Variants in MICAL2 observed in about 807,000 individuals in gnomAD.
MICAL2 encodes [F-actin]-monooxygenase MICAL2.
A neutral mutation model predicts 127.3 loss-of-function variants in MICAL2; 77 were observed. The observed-to-expected ratio is 0.60, with a 90% CI of 0.50 to 0.73. The LOEUF (loss-of-function observed/expected upper bound fraction) is 0.73, where lower values mean the gene tolerates loss of function less well. Among genes scored for constraint, MICAL2 ranks in the 30% least tolerant of loss-of-function variants. The probability of loss-of-function intolerance (pLI) is 0.00; values close to 1 mark genes in which losing one functional copy is unlikely to be tolerated. For synonymous variants in MICAL2, 570 were observed against 551.1 expected (o/e 1.03, Z -0.48); for missense variants, 1,351 against 1,434.4 (o/e 0.94, Z 0.94).
chr11:12,119,015 T>G (rs1013414373), intron 1 of MICAL2, among the ~76,000 whole-genome samples: 2 of 152,178 alleles, frequency 1.3e-5, no homozygotes, highest in African/African-American at 4.8e-5. Context: ...GTTCTCCATT[T>G]TCTACCAAGT....
At chr11:12,189,302 G>GTTTTGC (rs1858755341) in intron 3 of MICAL2, among the ~76,000 whole-genome samples, 1 of 151,854 alleles carries the variant, frequency 6.6e-6, no homozygotes, top group African/African-American at 2.4e-5. Context: ...TGTTTTTTTT[G>GTTTTGC]TTTTGTTTTT....
Position 12,220,242 on chromosome 11 carries a change from G to A in MICAL2, c.990G>A (p.Val330=). The part of the protein sequence containing the change: ...DTEMLLCAEN[V]NQDNLLSYAR... The stretch of plus-strand genomic sequence containing the variant: ...AGATGCTGCTGTGTGCGGAGAACGT[G>A]AACCAAGACAACCTGCTATCCTATG... Residue 330 remains valine, a synonymous_variant, in exon 9 of 28, where the codon GTG becomes GTA. Coordinates refer to ENST00000683283, the MANE Select transcript of MICAL2 (RefSeq NM_001282663.2). The A allele has an allele frequency of 6.2e-7, 1 of 1,614,182 alleles. No individual in the cohort carries two copies. The highest frequency in any genetic ancestry group is 2.2e-5 in the East Asian group (1 of 44,876).
chr11:12,320,109 C>A (rs1284476930), intron 30 of MICAL2, among the ~76,000 whole-genome samples: 1 of 152,088 alleles, frequency 6.6e-6, no homozygotes, highest in Non-Finnish European at 1.5e-5. Flanking sequence ...GTCCAACAAG[C>A]AAACCATCGA....
chr11:12,122,910 T>G (rs917747097), intron 1 of MICAL2, among the ~76,000 whole-genome samples: 1 of 152,060 alleles, frequency 6.6e-6, no homozygotes, highest in Non-Finnish European at 1.5e-5. Flanking sequence ...AGGTGGGAGG[T>G]GATCCATCCT....
At chr11:12,250,667 C>T (rs952932629) in intron 22 of MICAL2, among the ~76,000 whole-genome samples, 1 of 152,144 alleles carries the variant, frequency 6.6e-6, no homozygotes, top group African/African-American at 2.4e-5. Flanking sequence ...TTGAAAATTA[C>T]AAGAATATTG....
chr11:12,176,953 A>C (rs1045185752), intron 3 of MICAL2, among the ~76,000 whole-genome samples: 5 of 152,190 alleles, frequency 3.3e-5, no homozygotes, highest in African/African-American at 1.2e-4. Flanking sequence ...CTATTTCTTC[A>C]TGATCTATGG....
At position 12,241,088 on chromosome 11, in the gene MICAL2, G is replaced by A. The variant is rs146238421; in HGVS notation, c.2263G>A (p.Gly755Ser). The A allele has an allele frequency of 3.8e-5, 61 of 1,614,060 alleles. No homozygotes were observed. The highest frequency in any genetic ancestry group is 2.0e-4 in the African/African-American group (15 of 75,014). ...TAAGCCGGTCCTGTGCTCTTCCTCC[G>A]GCCCTCCTGTTCACTCTTGCTGCCC... ...IGKPVLCSSS[G>S]PPVHSCCPKP... Residue 755 changes from glycine (G) to serine (S), a missense_variant, in exon 18 of 28, where the codon GGC becomes AGC. Physicochemically the swap from Gly to Ser is moderately conservative, Grantham distance 56. Transcript: ENST00000683283.
chr11:12,286,119 G>A (rs1327023265), intron 2 of MICAL2, among the ~76,000 whole-genome samples: 1 of 151,832 alleles, frequency 6.6e-6, no homozygotes, highest in African/African-American at 2.4e-5. Context: ...ATTTTGCTCA[G>A]CTAATCCTCA....
At chr11:12,348,368 T>C (rs954732143) in intron 32 of MICAL2, among the ~76,000 whole-genome samples, 1 of 152,114 alleles carries the variant, frequency 6.6e-6, no homozygotes, top group Non-Finnish European at 1.5e-5. Flanking sequence ...TGATCCACAG[T>C]GGGTTGAATC....
rs947283896 is a variant in MICAL2 at position 12,204,195 on chromosome 11, C to T, written c.265-55C>T. 4.7e-5 allele frequency: 73 copies of T among 1,539,462 alleles called. No individual in the cohort carries two copies. The East Asian group carries it at 6.8e-4, about 14-fold the overall frequency. ...TCAGTTTTCCTGCTGACTGGGGGTT[C>T]GTGTCTGTGATGCTAGAGGTTACCA... On this transcript the variant is annotated intron_variant, in intron 3 of 27. Coordinates refer to ENST00000683283, the MANE Select transcript of MICAL2 (RefSeq NM_001282663.2).
At chr11:12,254,133 A>G (rs1861971656) in intron 22 of MICAL2, 1 of 152,210 alleles carries the variant, frequency 6.6e-6, no homozygotes, top group Non-Finnish European at 1.5e-5. Flanking sequence ...GAAAGGTACA[A>G]AGGTCTTAGG....
intron 3 of MICAL2, among the ~76,000 whole-genome samples, chr11:12,171,192 C>CT (rs1459472764): frequency 2.0e-5 from 3 of 152,156 alleles, no homozygotes; most frequent in Non-Finnish European, 4.4e-5. Flanking sequence ...AGCCAATAGG[C>CT]TTGTGAAGCT....
chr11:12,238,570 C>G (rs1386583017), intron 16 of MICAL2, among the ~76,000 whole-genome samples: 1 of 152,052 alleles, frequency 6.6e-6, no homozygotes, highest in Non-Finnish European at 1.5e-5. Context: ...CAGTACCCTA[C>G]AAAAAGTGTC....
At chr11:12,165,136 C>T (rs1422666798) in intron 3 of MICAL2, among the ~76,000 whole-genome samples, 1 of 104,392 alleles carries the variant, frequency 9.6e-6, no homozygotes, top group Non-Finnish European at 1.9e-5. Context: ...GAGACTCCAT[C>T]TCAAAAAAAA....
chr11:12,197,097 A>G (rs893809411), intron 3 of MICAL2, among the ~76,000 whole-genome samples: 6 of 152,164 alleles, frequency 3.9e-5, no homozygotes, highest in Non-Finnish European at 7.4e-5. Context: ...TTCCCAGCCA[A>G]TTTCCTGAGG....
chr11:12,308,032 A>G (rs1448159482), intron 29 of MICAL2: 1 of 152,184 alleles, frequency 6.6e-6, no homozygotes, highest in African/African-American at 2.4e-5. Context: ...GCAGGCACAC[A>G]CCAGCATGCC....
At chr11:12,229,928 C>T (rs1857996955) in intron 15 of MICAL2, among the ~76,000 whole-genome samples, 2 of 152,204 alleles carry the variant, frequency 1.3e-5, no homozygotes, top group African/African-American at 4.8e-5. Context: ...TGCACTCTAC[C>T]CCATCTTTGG....
chr11:12,283,184 A>G (rs1009423725), intron 2 of MICAL2, among the ~76,000 whole-genome samples: 1 of 152,178 alleles, frequency 6.6e-6, no homozygotes, highest in Non-Finnish European at 1.5e-5. Flanking sequence ...TAACCCCATC[A>G]CTTTACCAAA....
Position 12,162,414 on chromosome 11 carries a change from A to G in MICAL2, c.259A>G (p.Thr87Ala), listed in dbSNP as rs147581569. 23 of 1,614,044 alleles carry G rather than the reference A, an allele frequency of 1.4e-5. No homozygotes were observed. In the African/African-American group the frequency reaches 2.7e-4, roughly 19 times the overall value. ...EYKRGKSCTN[T>A]KCLIVGGGPC... is the part of the protein sequence containing the mutation. ...TAAGCGAGGGAAGTCGTGCACGAAC[A>G]CCAAGGTAAGGGGAAACCCTCCTAG... The change falls in exon 3 of 28, where the codon ACC becomes GCC. Residue 87 changes from threonine (T) to alanine (A), a missense_variant. Physicochemically the swap from Thr to Ala is moderately conservative, Grantham distance 58. Coordinates refer to ENST00000683283, the MANE Select transcript of MICAL2 (RefSeq NM_001282663.2).
Sources: allele counts gnomAD v4.1 joint callset (sites outside exome capture counted in the v4.1 genomes callset), GRCh38; gene constraint gnomAD v4.1.1; transcripts MANE v1.5; gene names NCBI Gene and HGNC (gene_info 2026-07-23, HGNC 2026-07-21).